GRM5: variants seen among roughly 807,000 people sequenced by gnomAD.
GRM5 encodes the protein metabotropic glutamate receptor 5.
In GRM5, 19 loss-of-function variants were observed where a neutral mutation model predicts 83.1. That is an observed-to-expected ratio of 0.23 (90% confidence interval 0.16 to 0.34). The LOEUF is 0.34. GRM5 is among the 10% of genes least tolerant of loss of function. The pLI is 1.00. For synonymous variants in GRM5, 675 were observed against 633.6 expected (o/e 1.07, Z -0.98); for missense variants, 1,160 against 1,588.3 (o/e 0.73, Z 4.58).
chr11:88,653,443 T>G, intron 3 of GRM5, 40 bp from the exon 4 acceptor site: 1 of 1,370,078 alleles, frequency 7.3e-7, no homozygotes, highest in African/African-American at 1.4e-5. Flanking sequence ...AGAACAGATA[T>G]CTCCTAAGCA....
At chr11:88,688,723 CTT>C (rs1940707869) in intron 3 of GRM5, among the ~76,000 whole-genome samples, 2 of 151,938 alleles carry the variant, frequency 1.3e-5, no homozygotes, top group African/African-American at 4.8e-5. Context: ...CAGAATCTCT[CTT>C]TTATTTGCTC....
At chr11:88,590,339 A>C (rs1209494727) in intron 7 of GRM5, among the ~76,000 whole-genome samples, 2 of 152,326 alleles carry the variant, frequency 1.3e-5, no homozygotes, top group African/African-American at 4.8e-5. Flanking sequence ...TGTCCTGGGC[A>C]TGAGGGAAGA....
chr11:88,653,209 C>G lies in GRM5; in HGVS notation c.1106G>C (p.Gly369Ala), dbSNP rs201488974. The change falls in exon 4 of 10, where the codon GGG becomes GCG. Residue 369 changes from glycine (G) to alanine (A), a missense_variant. This residue lies in a region of GRM5 where 132 missense variants were observed against 197.6 expected (regional missense o/e 0.67). Coordinates refer to ENST00000305447, the MANE Select transcript of GRM5 (RefSeq NM_001143831.3). ...WQHRFQCRLE[G>A]FPQENSKYNK... ...GTATTTGCTGTTCTCCTGTGGAAAC[C>G]CTTCCAGTCGGCACTGAAAACGATG... 13 of 1,612,218 alleles carry G rather than the reference C, an allele frequency of 8.1e-6. No homozygotes were observed. Among genetic ancestry groups the G allele is most frequent in the Non-Finnish European group, 9.3e-6 (11 of 1,178,732 alleles).
At chr11:88,738,903 C>T (rs939717673) in intron 3 of GRM5, among the ~76,000 whole-genome samples, 3 of 152,082 alleles carry the variant, frequency 2.0e-5, no homozygotes, top group African/African-American at 4.8e-5. Flanking sequence ...CTTGGTCACG[C>T]GTTTCTTACA....
chr11:88,641,671 C>T (rs1939298065), intron 4 of GRM5, among the ~76,000 whole-genome samples: 1 of 152,152 alleles, frequency 6.6e-6, no homozygotes, highest in African/African-American at 2.4e-5. Context: ...AGGACCCATT[C>T]AAGTTTGAAA....
intron 2 of GRM5, among the ~76,000 whole-genome samples, chr11:88,853,485 A>C (rs549767493): frequency 2.6e-5 from 4 of 152,156 alleles, no homozygotes; most frequent in Admixed American, 2.0e-4. Context: ...ATCAGGAGGC[A>C]GCTAATGTAG....
intron 3 of GRM5, among the ~76,000 whole-genome samples, chr11:88,840,645 G>A (rs1044949023): frequency 6.6e-6 from 1 of 152,140 alleles, no homozygotes; most frequent in African/African-American, 2.4e-5. Context: ...TATCTTCAGT[G>A]GTATAATTTT....
intron 3 of GRM5, among the ~76,000 whole-genome samples, chr11:88,791,236 A>G (rs1360807577): frequency 2.0e-5 from 3 of 152,168 alleles, no homozygotes; most frequent in Non-Finnish European, 4.4e-5. Context: ...TGGTAAGATA[A>G]TGCACTGGCT....
intron 2 of GRM5, among the ~76,000 whole-genome samples, chr11:88,890,352 G>A (rs1321904011): frequency 3.3e-5 from 5 of 152,054 alleles, no homozygotes; most frequent in Non-Finnish European, 7.4e-5. Flanking sequence ...AAAAATGCAT[G>A]CTACCTGGCC....
At chr11:88,557,371 C>G (rs1360123492) in intron 8 of GRM5, among the ~76,000 whole-genome samples, 1 of 152,126 alleles carries the variant, frequency 6.6e-6, no homozygotes, top group Non-Finnish European at 1.5e-5. Context: ...TAATTTATCT[C>G]TTCTCTAGCA....
chr11:89,027,951 T>A (rs115132205), intron 2 of GRM5, among the ~76,000 whole-genome samples: 2,296 of 152,212 alleles, frequency 0.015, 54 homozygotes, highest in African/African-American at 0.051. Context: ...AATGCCATTT[T>A]AAAAAAATGA....
chr11:88,687,268 A>C (rs1004457015), intron 3 of GRM5, among the ~76,000 whole-genome samples: 1 of 151,280 alleles, frequency 6.6e-6, no homozygotes, highest in Non-Finnish European at 1.5e-5. Flanking sequence ...AAGTCAGGAG[A>C]CAGAGACCAT....
At chr11:88,920,578 T>C (rs993506128) in intron 2 of GRM5, among the ~76,000 whole-genome samples, 4 of 152,142 alleles carry the variant, frequency 2.6e-5, no homozygotes, top group African/African-American at 9.7e-5. Flanking sequence ...CTACTAATTC[T>C]ATGAGGCCAG....
At chr11:88,666,190 T>G (rs1211114354) in intron 3 of GRM5, among the ~76,000 whole-genome samples, 5 of 152,212 alleles carry the variant, frequency 3.3e-5, no homozygotes, top group Non-Finnish European at 5.9e-5. Context: ...AAAAGAATTG[T>G]AATTGTTCAT....
At chr11:88,755,283 C>T (rs1353859727) in intron 3 of GRM5, among the ~76,000 whole-genome samples, 4 of 151,802 alleles carry the variant, frequency 2.6e-5, no homozygotes, top group Non-Finnish European at 5.9e-5. Context: ...TACAAGATGC[C>T]GTAAATTAAT....
chr11:88,976,509 A>G (rs1939341567), intron 2 of GRM5, among the ~76,000 whole-genome samples: 1 of 150,362 alleles, frequency 6.7e-6, no homozygotes, highest in African/African-American at 2.5e-5. Flanking sequence ...TTGTTGTAAG[A>G]AAATTTAAAA....
intron 8 of GRM5, among the ~76,000 whole-genome samples, chr11:88,546,593 G>A (rs1481376443): frequency 6.6e-6 from 1 of 151,998 alleles, no homozygotes; most frequent in South Asian, 2.1e-4. Flanking sequence ...ACATATATAT[G>A]TTCATAGCCA....
At chr11:88,918,758 G>C (rs536338300) in intron 2 of GRM5, among the ~76,000 whole-genome samples, 1 of 39,220 alleles carries the variant, frequency 2.5e-5, no homozygotes, top group Non-Finnish European at 1.4e-4. Flanking sequence ...GAAGTATGAA[G>C]TTAAATGTAG....
chr11:88,604,341 A>G (rs1329891208), intron 5 of GRM5, among the ~76,000 whole-genome samples: 1 of 152,206 alleles, frequency 6.6e-6, no homozygotes, highest in African/African-American at 2.4e-5. Context: ...CCAGAAATCA[A>G]ATTGTTCCTA....
Sources: allele counts gnomAD v4.1 joint callset (sites outside exome capture counted in the v4.1 genomes callset), GRCh38; gene constraint gnomAD v4.1.1; regional missense constraint gnomAD v4.1.1; transcripts MANE v1.5; gene names NCBI Gene and HGNC (gene_info 2026-07-23, HGNC 2026-07-21).